Variants in ERC2 observed in about 807,000 individuals in gnomAD.
ERC2 encodes the protein ERC protein 2.
Under a neutral mutation model 114.8 loss-of-function variants are expected in ERC2, and 42 were observed. The ratio of observed to expected loss-of-function variants is 0.37; its 90% CI spans 0.29 to 0.47. The LOEUF (loss-of-function observed/expected upper bound fraction) is 0.47, where lower values mean the gene tolerates loss of function less well. Ranked by LOEUF, ERC2 falls within the 20% of genes least tolerant of loss-of-function variation. The pLI, the probability that ERC2 is intolerant of heterozygous loss-of-function variation, is 0.99. For synonymous variants in ERC2, 454 were observed against 425.5 expected, an observed-to-expected ratio of 1.07 and a Z score of -0.82; for missense variants, 939 against 1,150.7, an observed-to-expected ratio of 0.82 and a Z score of 2.66.
intron 7 of ERC2, among the ~76,000 whole-genome samples, chr3:56,032,905 A>AAGAG (rs2074471564): frequency 2.3e-5 from 1 of 43,184 alleles, no homozygotes; most frequent in Admixed American, 3.0e-4. Context: ...GAGAGACAGA[A>AAGAG]AGAAAGAAAG....
At chr3:55,749,816 A>G (rs2066560173) in intron 14 of ERC2, among the ~76,000 whole-genome samples, 2 of 152,130 alleles carry the variant, frequency 1.3e-5, no homozygotes, top group Non-Finnish European at 2.9e-5. Flanking sequence ...AAACCTTGCT[A>G]CTGCCCACTC....
intron 13 of ERC2, among the ~76,000 whole-genome samples, chr3:55,912,151 C>T (rs963972918): frequency 3.3e-5 from 5 of 152,104 alleles, no homozygotes; most frequent in African/African-American, 4.8e-5. Flanking sequence ...TAAACTAGAC[C>T]AGAACCAGCA....
At chr3:56,127,433 A>G (rs2079939926) in intron 6 of ERC2, among the ~76,000 whole-genome samples, 1 of 152,230 alleles carries the variant, frequency 6.6e-6, no homozygotes, top group South Asian at 2.1e-4. Context: ...ATAAAGCTAT[A>G]GTAAACAAAC....
At chr3:56,011,325 T>A (rs1452900701) in intron 8 of ERC2, among the ~76,000 whole-genome samples, 1 of 152,116 alleles carries the variant, frequency 6.6e-6, no homozygotes, top group African/African-American at 2.4e-5. Context: ...TCAGCCCTCA[T>A]CACAAGCGCA....
At chr3:56,169,065 C>T (rs972137165) in intron 4 of ERC2, among the ~76,000 whole-genome samples, 12 of 152,232 alleles carry the variant, frequency 7.9e-5, no homozygotes, top group African/African-American at 2.2e-4. Flanking sequence ...ACAATCCCCA[C>T]TTCAATTACC....
chr3:56,315,097 G>A (rs1019220571), intron 2 of ERC2, among the ~76,000 whole-genome samples: 10 of 152,084 alleles, frequency 6.6e-5, no homozygotes, highest in African/African-American at 1.4e-4. Context: ...TTACTCCAGC[G>A]GCTCCAAGCC....
chr3:56,327,848 C>T (rs1052030582), intron 2 of ERC2, among the ~76,000 whole-genome samples: 1 of 152,156 alleles, frequency 6.6e-6, no homozygotes, highest in Non-Finnish European at 1.5e-5. Flanking sequence ...AAGGAGGAAC[C>T]TCAGGTCCAA....
At chr3:56,012,260 G>A (rs912091388) in intron 8 of ERC2, among the ~76,000 whole-genome samples, 3 of 152,132 alleles carry the variant, frequency 2.0e-5, no homozygotes, top group South Asian at 4.2e-4. Context: ...CCACCTCTCC[G>A]TCCCATCCCT....
At chr3:56,229,179 T>C (rs1439951341) in intron 3 of ERC2, among the ~76,000 whole-genome samples, 1 of 152,210 alleles carries the variant, frequency 6.6e-6, no homozygotes, top group African/African-American at 2.4e-5. Context: ...CAAAAAGGCC[T>C]TGCCTTTTAA....
intron 17 of ERC2, among the ~76,000 whole-genome samples, chr3:55,628,614 T>C (rs181079250): frequency 6.6e-6 from 1 of 152,312 alleles, no homozygotes; most frequent in Non-Finnish European, 1.5e-5. Flanking sequence ...GGCACAGGGT[T>C]CCATCGAGGC....
chr3:55,599,967 G>A (rs1191339660), intron 17 of ERC2, among the ~76,000 whole-genome samples: 1 of 152,164 alleles, frequency 6.6e-6, no homozygotes, highest in Non-Finnish European at 1.5e-5. Flanking sequence ...GTGAGGCACC[G>A]AGGCAGAAGA....
intron 14 of ERC2, among the ~76,000 whole-genome samples, chr3:55,839,828 T>C (rs1241400504): frequency 6.6e-6 from 1 of 151,946 alleles, no homozygotes; most frequent in African/African-American, 2.4e-5. Flanking sequence ...CAGATTTAAA[T>C]CTGGCCATAA....
chr3:55,983,209 CT>C (rs2070303079), intron 12 of ERC2, among the ~76,000 whole-genome samples: 1 of 152,218 alleles, frequency 6.6e-6, no homozygotes, highest in Non-Finnish European at 1.5e-5. Flanking sequence ...TCTATGTCTT[CT>C]GGTTTTACTT....
At chr3:56,372,441 A>C (rs114805104) in intron 2 of ERC2, among the ~76,000 whole-genome samples, 2,534 of 152,230 alleles carry the variant, frequency 0.017, 79 homozygotes, top group African/African-American at 0.058. Context: ...AAATTATAAC[A>C]AGGTGGCCAG....
chr3:55,775,342 A>G (rs1016580547), intron 14 of ERC2, among the ~76,000 whole-genome samples: 15 of 151,990 alleles, frequency 9.9e-5, no homozygotes, highest in African/African-American at 3.6e-4. Context: ...GGCCAGCCTG[A>G]TCAACATGGT....
At chr3:56,348,887 G>C (rs926940549) in intron 2 of ERC2, among the ~76,000 whole-genome samples, 1 of 49,496 alleles carries the variant, frequency 2.0e-5, no homozygotes, top group Non-Finnish European at 4.5e-5. Flanking sequence ...AAGGAAGGAA[G>C]GAAGGAAGGA....
chr3:56,315,353 TTGAG>T (rs2056814409), intron 2 of ERC2, among the ~76,000 whole-genome samples: 1 of 152,208 alleles, frequency 6.6e-6, no homozygotes, highest in Non-Finnish European at 1.5e-5. Context: ...CATGTTATCA[TTGAG>T]TAAGTCAAAG....
At chr3:55,943,134 G>T (rs2066909754) in intron 13 of ERC2, among the ~76,000 whole-genome samples, 1 of 152,168 alleles carries the variant, frequency 6.6e-6, no homozygotes, top group Admixed American at 6.5e-5. Context: ...TAACTAGACT[G>T]GCCCTTTTGA....
At position 56,377,844 on chromosome 3, in the gene ERC2, C is replaced by A. The variant is rs141514895; in HGVS notation, c.657+56507G>T. Among the ~76,000 whole-genome samples the A allele has an allele frequency of 2.6e-3, 391 of 151,112 alleles. 3 individuals carry two copies. Among genetic ancestry groups the A allele is most frequent in the Admixed American group, 5.5e-3 (83 of 15,208 alleles). On this transcript the variant is annotated intron_variant, in intron 2 of 17. Coordinates refer to ENST00000288221, the MANE Select transcript of ERC2 (RefSeq NM_015576.3). ...TTCAGCCTAGGCAACATAGAGAAAC[C>A]CTATCTCCAAAAAAAAAAACAAAAA...
Sources: gnomAD v4.1 joint callset for allele counts (sites outside exome capture counted in the v4.1 genomes callset) on GRCh38, gnomAD v4.1.1 for gene constraint, MANE v1.5 for transcripts, NCBI Gene and HGNC (gene_info 2026-07-23, HGNC 2026-07-21) for gene names.